UTP18: variants seen among roughly 807,000 people sequenced by gnomAD.
UTP18 encodes the protein UTP18 small subunit processome component.
Under a neutral mutation model 61.1 loss-of-function variants are expected in UTP18, and 36 were observed. The ratio of observed to expected loss-of-function variants is 0.59; its 90% CI spans 0.45 to 0.78. UTP18 has a LOEUF of 0.78. Ranked by LOEUF, UTP18 falls within the 30% of genes least tolerant of loss-of-function variation. The pLI is 0.00. For missense variants in UTP18, 753 were observed against 693.9 expected (o/e 1.09, Z -0.96); for synonymous variants, 282 against 251.1 (o/e 1.12, Z -1.16).
At chr17:51,278,175 T>G (rs1474191163) in intron 7 of UTP18, among the ~76,000 whole-genome samples, 1 of 152,178 alleles carries the variant, frequency 6.6e-6, no homozygotes, top group African/African-American at 2.4e-5. Context: ...GATCCTTGGT[T>G]TACCCTAAGG....
intron 12 of UTP18, among the ~76,000 whole-genome samples, 158 bp downstream of exon 12, chr17:51,294,203 TTTATTA>T (rs1208322141): frequency 6.6e-6 from 1 of 152,078 alleles, no homozygotes; most frequent in East Asian, 1.9e-4. Flanking sequence ...TTTATTTTAT[TTTATTA>T]TTATTATACT....
At chr17:51,280,187 C>G in intron 8 of UTP18, 82 bp downstream of exon 8, 1 of 1,426,902 alleles carries the variant, frequency 7.0e-7, no homozygotes, top group African/African-American at 1.4e-5. Flanking sequence ...TCAGTGTGTC[C>G]TTAAATCTGC....
intron 2 of UTP18, among the ~76,000 whole-genome samples, chr17:51,265,774 A>G (rs1261499640): frequency 2.0e-5 from 3 of 149,068 alleles, no homozygotes; most frequent in Non-Finnish European, 3.0e-5. Flanking sequence ...ACGTTGGCCA[A>G]GATGGTCTGG....
At chr17:51,273,259 G>C (rs1037350396) in intron 4 of UTP18, 103 bp from the exon 5 acceptor site, 3 of 738,214 alleles carry the variant, frequency 4.1e-6, no homozygotes, top group Non-Finnish European at 6.0e-6. Flanking sequence ...AGGGAGGCTG[G>C]AAAGGGAGTT....
At chr17:51,270,921 G>T (rs1334747678) in intron 4 of UTP18, among the ~76,000 whole-genome samples, 1 of 152,174 alleles carries the variant, frequency 6.6e-6, no homozygotes, top group Non-Finnish European at 1.5e-5. Context: ...AAGAGATAGT[G>T]ACTTGTTGAA....
intron 7 of UTP18, among the ~76,000 whole-genome samples, chr17:51,278,289 A>G (rs543973668): frequency 9.4e-4 from 143 of 152,208 alleles, no homozygotes; most frequent in African/African-American, 3.4e-3. Context: ...TGCATTTCTG[A>G]TTCTCTCAGG....
At chr17:51,279,589 A>G (rs1233335737) in intron 7 of UTP18, among the ~76,000 whole-genome samples, 8 of 151,772 alleles carry the variant, frequency 5.3e-5, no homozygotes, top group South Asian at 2.1e-4. Context: ...GCTAGTTTAT[A>G]TATGTTTTTA....
chr17:51,277,489 T>C (rs1259588866), intron 7 of UTP18, among the ~76,000 whole-genome samples, 185 bp downstream of exon 7: 1 of 152,222 alleles, frequency 6.6e-6, no homozygotes, highest in African/African-American at 2.4e-5. Flanking sequence ...TGAACTTTTT[T>C]ACTGAACACT....
chr17:51,276,887 C>T (rs1004440602), intron 6 of UTP18, among the ~76,000 whole-genome samples: 2 of 152,178 alleles, frequency 1.3e-5, no homozygotes, highest in Admixed American at 1.3e-4. Context: ...GGGCACGCCA[C>T]CTCCTCAGCA....
rs1567703064 is a variant in UTP18, at chr17:51,280,157, G to A, written c.1113+52G>A. 4 of 1,544,530 alleles carry A rather than the reference G, an allele frequency of 2.6e-6. No individual in the cohort carries two copies. In the East Asian group the frequency reaches 9.1e-5, roughly 35 times the overall value. Reference sequence around the variant, plus strand: ...CTTCTCCCACAAGACACTAGTGTAGGGATAGTCTTGCACCTTAACTCAGTG... The same window carrying A: ...CTTCTCCCACAAGACACTAGTGTAGAGATAGTCTTGCACCTTAACTCAGTG... On this transcript the variant is annotated intron_variant, in intron 8 of 13. Coordinates refer to ENST00000225298, the MANE Select transcript of UTP18 (RefSeq NM_016001.3).
intron 12 of UTP18, among the ~76,000 whole-genome samples, chr17:51,294,448 TG>T (rs1334293817): frequency 6.7e-6 from 1 of 149,966 alleles, no homozygotes; most frequent in Admixed American, 6.7e-5. Context: ...GAACATGCGG[TG>T]TTTGGTTTTT....
chr17:51,275,770 C>G, intron 5 of UTP18, 96 bp from the exon 6 acceptor site: 1 of 969,558 alleles, frequency 1.0e-6, no homozygotes. Context: ...GCATTTTTTT[C>G]CTTCATTATA....
chr17:51,262,379 C>T (rs1373804474), intron 1 of UTP18, among the ~76,000 whole-genome samples: 2 of 151,994 alleles, frequency 1.3e-5, no homozygotes, highest in African/African-American at 4.8e-5. Flanking sequence ...CCACCGCACC[C>T]GGCCTAGGTT....
chr17:51,281,159 TATATA>T (rs1904906349), intron 9 of UTP18, among the ~76,000 whole-genome samples: 1 of 91,092 alleles, frequency 1.1e-5, no homozygotes, highest in Non-Finnish European at 2.2e-5. Flanking sequence ...TATATATATA[TATATA>T]TTTTTTTTAA....
intron 2 of UTP18, among the ~76,000 whole-genome samples, chr17:51,264,325 C>T (rs957714461): frequency 6.6e-6 from 1 of 152,096 alleles, no homozygotes; most frequent in Non-Finnish European, 1.5e-5. Context: ...AGATTACAGG[C>T]GTGAACTGCT....
chr17:51,286,652 C>G (rs961772539), intron 10 of UTP18: 23 of 445,076 alleles, frequency 5.2e-5, no homozygotes, highest in African/African-American at 4.0e-4. Flanking sequence ...TGATGAAGGC[C>G]CCTTCCTTTC....
At chr17:51,276,958 A>G (rs1206060437) in intron 6 of UTP18, among the ~76,000 whole-genome samples, 172 bp from the exon 7 acceptor site, 2 of 152,188 alleles carry the variant, frequency 1.3e-5, no homozygotes, top group African/African-American at 4.8e-5. Flanking sequence ...CTTTTTATGA[A>G]GGCCTCTTGA....
At chr17:51,273,605 T>TG (rs1207371306) in intron 5 of UTP18, among the ~76,000 whole-genome samples, 155 bp downstream of exon 5, 1 of 151,524 alleles carries the variant, frequency 6.6e-6, no homozygotes, top group African/African-American at 2.4e-5. Flanking sequence ...ATTGTTTTTT[T>TG]TTTTTCCTTT....
chr17:51,260,556 A>C lies in UTP18; in HGVS notation c.-29A>C. 3 of 1,596,044 alleles carry C rather than the reference A, an allele frequency of 1.9e-6. No individual in the cohort carries two copies. Among genetic ancestry groups the C allele is most frequent in the Non-Finnish European group, 2.6e-6 (3 of 1,173,192 alleles). ...CGCATGCGCAGCGAGGTTCCACGTG[A>C]GCGCCTGCGTTTCTCCTCAAACCTA... On this transcript the variant is annotated 5_prime_UTR_variant, in exon 1 of 14. Coordinates refer to ENST00000225298, the MANE Select transcript of UTP18 (RefSeq NM_016001.3).
Sources: allele counts gnomAD v4.1 joint callset (sites outside exome capture counted in the v4.1 genomes callset), GRCh38; gene constraint gnomAD v4.1.1; transcripts MANE v1.5; gene names NCBI Gene and HGNC (gene_info 2026-07-23, HGNC 2026-07-21).